The following PARP1 variants were observed in gnomAD, a reference collection of about 807,000 sequenced individuals.
PARP1 encodes poly(ADP-ribose) polymerase 1, also known as poly [ADP-ribose] polymerase 1.
A neutral mutation model predicts 118.7 loss-of-function variants in PARP1; 44 were observed. That is an observed-to-expected ratio of 0.37 (90% CI 0.29 to 0.48). The LOEUF is 0.48. Ranked by LOEUF, PARP1 falls within the 20% of genes least tolerant of loss-of-function variation. The pLI is 0.99. For missense variants in PARP1, 1,100 were observed against 1,272.4 expected (o/e 0.86, Z 2.06); for synonymous variants, 492 against 483.2 (o/e 1.02, Z -0.24).
chr1:226,399,780 C>T (rs537932225), intron 2 of PARP1, among the ~76,000 whole-genome samples: 31 of 152,156 alleles, frequency 2.0e-4, no homozygotes, highest in Admixed American at 3.3e-4. Context: ...ACTCTGGTGG[C>T]GATGTTGATT....
In PARP1 at chr1:226,379,969, G is replaced by A; in HGVS notation, c.1496C>T (p.Ser499Leu). 2.5e-6 allele frequency: 4 copies of A among 1,614,158 alleles called. No homozygotes were observed. Among genetic ancestry groups the A allele is most frequent in the Non-Finnish European group, 2.5e-6 (3 of 1,180,030 alleles). ...PVEVVAPRGK[S>L]GAALSKKSKG... is the part of the protein sequence containing the mutation. ...GCTTTTTTTGGAGAGCGCAGCCCCT[G>A]ACTTCCCTCTTGGGGCCACAACTTC... is the stretch of plus-strand genomic sequence containing the variant. Residue 499 changes from serine (S) to leucine (L), a missense_variant, in exon 10 of 23, where the codon TCA (serine) becomes TTA (leucine). This residue lies in a region of PARP1 where 948 missense variants were observed against 1,031.8 expected (regional missense o/e 0.92). Coordinates refer to ENST00000366794, the MANE Select transcript of PARP1 (RefSeq NM_001618.4).
intron 2 of PARP1, chr1:226,392,842 T>C: frequency 7.9e-6 from 10 of 1,272,512 alleles, no homozygotes; most frequent in Non-Finnish European, 1.1e-5. Context: ...TGGGGATCAC[T>C]GGCTAGCCAT....
At chr1:226,365,900 G>A (rs777707440) in intron 18 of PARP1, 54 bp downstream of exon 18, 147 of 1,168,262 alleles carry the variant, frequency 1.3e-4, no homozygotes, top group Non-Finnish European at 2.1e-5. Flanking sequence ...GGAGGAGTGG[G>A]CAGGGAAGAG....
chr1:226,400,202 G>A (rs379806), intron 2 of PARP1, among the ~76,000 whole-genome samples: 1 of 151,796 alleles, frequency 6.6e-6, no homozygotes, highest in African/African-American at 2.4e-5. Flanking sequence ...GGGAGGCTGA[G>A]GCAGGAGAAT....
chr1:226,366,093 A>C lies in PARP1; in HGVS notation c.2407-41T>G, dbSNP rs1664260922. On this transcript the variant is annotated intron_variant, in intron 17 of 22. Coordinates refer to ENST00000366794, the MANE Select transcript of PARP1 (RefSeq NM_001618.4). ...CTTGGGATTAGCACAAAAGAGACCC[A>C]GGAGAGCTACAGAGGAGGAATGCTC... is the stretch of plus-strand genomic sequence containing the variant. 3 of 1,354,608 alleles carry C rather than the reference A, an allele frequency of 2.2e-6. No homozygotes were observed. The South Asian group carries it at 3.5e-5, about 16-fold the overall frequency. The allele number at this position is 1,354,608 out of a possible 1,614,324, so 83.9% of individuals were successfully genotyped here.
chr1:226,394,686 T>C (rs961783784), intron 2 of PARP1, among the ~76,000 whole-genome samples: 2 of 152,124 alleles, frequency 1.3e-5, no homozygotes, highest in South Asian at 2.1e-4. Context: ...GACTGGAGGA[T>C]TGCTTAAGCC....
At chr1:226,375,041 C>T (rs560594873) in intron 13 of PARP1, among the ~76,000 whole-genome samples, 4 of 152,322 alleles carry the variant, frequency 2.6e-5, no homozygotes, top group South Asian at 2.1e-4. Context: ...AGGGTATAGA[C>T]GGTGCTCTGT....
intron 9 of PARP1, among the ~76,000 whole-genome samples, chr1:226,380,747 A>G (rs1039027399): frequency 6.6e-6 from 1 of 152,204 alleles, no homozygotes; most frequent in South Asian, 2.1e-4. Flanking sequence ...AAATGCTCCA[A>G]TGAACATTTC....
At chr1:226,382,064 C>A (rs771354934) in intron 8 of PARP1, among the ~76,000 whole-genome samples, 1 of 152,138 alleles carries the variant, frequency 6.6e-6, no homozygotes, top group Non-Finnish European at 1.5e-5. Flanking sequence ...ACAGTGGACT[C>A]GGGATGACCA....
At chr1:226,367,350 G>C in intron 17 of PARP1, 130 bp downstream of exon 17, 1 of 1,136,212 alleles carries the variant, frequency 8.8e-7, no homozygotes, top group Non-Finnish European at 1.3e-6. Flanking sequence ...TGTTAGAAAA[G>C]TGAATTATTG....
chr1:226,395,993 T>A (rs74607165), intron 2 of PARP1, among the ~76,000 whole-genome samples: 12,117 of 152,208 alleles, frequency 0.08, 680 homozygotes, highest in Non-Finnish European at 0.12. Flanking sequence ...AGCTGGATGA[T>A]GGTAATGTTT....
At position 226,386,408 on chromosome 1, in the gene PARP1, T is replaced by G; in HGVS notation, c.752A>C (p.Glu251Ala). The change falls in exon 6 of 23, where the codon GAG becomes GCG. Residue 251 changes from glutamate to alanine, a missense_variant. Transcript: ENST00000366794. ...ATTAGTTGAACACACTTTCTTTAGCTCGTCCTTGATGTTCCAGATCAGGTC... is the reference window on the plus strand; with the variant it reads ...ATTAGTTGAACACACTTTCTTTAGCGCGTCCTTGATGTTCCAGATCAGGTC... ...QNDLIWNIKD[E>A]LKKVCSTNDL... 4 of 1,613,954 alleles carry G rather than the reference T, an allele frequency of 2.5e-6. No individual in the cohort carries two copies. Among genetic ancestry groups the G allele is most frequent in the Non-Finnish European group, 3.4e-6 (4 of 1,179,816 alleles).
chr1:226,366,974 C>T (rs188729310), intron 17 of PARP1: 144 of 203,292 alleles, frequency 7.1e-4, no homozygotes, highest in Non-Finnish European at 1.3e-3. Context: ...TTGGTCTAAG[C>T]GGGGTGTTCA....
intron 7 of PARP1, 124 bp downstream of exon 7, chr1:226,385,380 G>A (rs1311781698): frequency 2.5e-6 from 2 of 790,040 alleles, no homozygotes; most frequent in East Asian, 2.6e-5. Flanking sequence ...ACAGGATGAC[G>A]CAGCTGTAAA....
chr1:226,379,427 G>A, intron 11 of PARP1, 146 bp downstream of exon 11: 1 of 1,194,456 alleles, frequency 8.4e-7, no homozygotes, highest in Non-Finnish European at 1.2e-6. Context: ...CTCAGGACTG[G>A]GGGAGCTGGT....
intron 2 of PARP1, among the ~76,000 whole-genome samples, chr1:226,399,992 G>A (rs1372462358): frequency 6.6e-6 from 1 of 152,112 alleles, no homozygotes; most frequent in Non-Finnish European, 1.5e-5. Context: ...GACAGAGCGA[G>A]AATCCGTCTC....
In PARP1 at chr1:226,379,987, A is replaced by G; in HGVS notation, c.1478T>C (p.Val493Ala). 2 of 1,614,168 alleles carry G rather than the reference A, an allele frequency of 1.2e-6. No homozygotes were observed. Among genetic ancestry groups the G allele is most frequent in the Non-Finnish European group, 1.7e-6 (2 of 1,180,028 alleles). ...AGCCCCTGACTTCCCTCTTGGGGCC[A>G]CAACTTCAACAGGCTCTGCCTTCAC... ...AEVKAEPVEV[V>A]APRGKSGAAL... Residue 493 changes from valine (V) to alanine (A), a missense_variant, in exon 10 of 23, where the codon GTG becomes GCG. This residue lies in a region of PARP1 where 948 missense variants were observed against 1,031.8 expected (regional missense o/e 0.92). Transcript: ENST00000366794.
chr1:226,386,182 C>T, intron 6 of PARP1, 144 bp downstream of exon 6: 1 of 698,192 alleles, frequency 1.4e-6, no homozygotes. Context: ...GATGACCGTG[C>T]AACACAACCA....
At chr1:226,373,575 T>C (rs892956159) in intron 14 of PARP1, among the ~76,000 whole-genome samples, 6 of 152,210 alleles carry the variant, frequency 3.9e-5, no homozygotes, top group Non-Finnish European at 8.8e-5. Context: ...ACGGAGCCTC[T>C]GCCTGCAGTC....
Sources: allele counts gnomAD v4.1 joint callset (sites outside exome capture counted in the v4.1 genomes callset), GRCh38; gene constraint gnomAD v4.1.1; regional missense constraint gnomAD v4.1.1; transcripts MANE v1.5; gene names NCBI Gene and HGNC (gene_info 2026-07-23, HGNC 2026-07-21).